The following RALY variants were observed in gnomAD, a reference collection of about 807,000 sequenced individuals.
The protein encoded by RALY is RNA-binding protein Raly.
RALY carries 15 observed loss-of-function variants against 30.7 expected under a neutral mutation model. The observed-to-expected ratio is 0.49, with a 90% CI of 0.33 to 0.75. The LOEUF (loss-of-function observed/expected upper bound fraction) is 0.75. Among genes scored for constraint, RALY ranks in the 30% least tolerant of loss-of-function variants. The probability of loss-of-function intolerance (pLI) is 0.02; values close to 1 mark genes in which losing one functional copy is unlikely to be tolerated. For missense variants in RALY, 339 were observed against 414.3 expected (o/e 0.82, Z 1.58); for synonymous variants, 177 against 170.8 (o/e 1.04, Z -0.28).
intron 1 of RALY, among the ~76,000 whole-genome samples, chr20:34,013,413 CAAAAAAAAA>C (rs34859292): frequency 2.4e-5 from 2 of 84,838 alleles, no homozygotes; most frequent in East Asian, 4.2e-4. Flanking sequence ...GACCTTGTCT[CAAAAAAAAA>C]AAAAAAAAAA....
chr20:34,049,198 G>A (rs967092325), intron 2 of RALY: 5 of 154,108 alleles, frequency 3.2e-5, no homozygotes, highest in Admixed American at 2.0e-4. Context: ...TCTTGCTAGA[G>A]TGGAGAATTG....
intron 1 of RALY, among the ~76,000 whole-genome samples, chr20:34,009,697 C>A (rs2031317437): frequency 6.6e-6 from 1 of 152,172 alleles, no homozygotes; most frequent in Non-Finnish European, 1.5e-5. Flanking sequence ...TCATGTTCTT[C>A]ATTTCTCTAC....
intron 2 of RALY, among the ~76,000 whole-genome samples, chr20:34,069,864 G>A (rs538885229): frequency 1.3e-5 from 2 of 152,180 alleles, no homozygotes; most frequent in Non-Finnish European, 2.9e-5. Flanking sequence ...CCCTTCATCA[G>A]TAGCAGTGAT....
chr20:34,042,470 A>G (rs759559398), intron 2 of RALY, among the ~76,000 whole-genome samples: 1 of 152,122 alleles, frequency 6.6e-6, no homozygotes. Context: ...GACCACTTCT[A>G]ACACTTGACT....
chr20:34,035,167 A>C (rs929376936), intron 2 of RALY, among the ~76,000 whole-genome samples: 3 of 118,636 alleles, frequency 2.5e-5, no homozygotes, highest in South Asian at 2.3e-4. Context: ...AAAAAAAAAA[A>C]AAAAAAAAAA....
chr20:34,037,494 G>C (rs2032540665), intron 2 of RALY, among the ~76,000 whole-genome samples: 1 of 152,166 alleles, frequency 6.6e-6, no homozygotes, highest in African/African-American at 2.4e-5. Flanking sequence ...GAAATTCTAA[G>C]CAGAGATTTG....
chr20:34,083,928 T>G lies in RALY; in HGVS notation c.*4023T>G, dbSNP rs1447538116. On this transcript the variant is annotated 3_prime_UTR_variant, in exon 10 of 10. Transcript: ENST00000246194. ...ATCCCTCCACCAGTAGCCAGATTCT[T>G]CATAATAAACTTCCTCCATAACAGT... 2.0e-5 allele frequency: 3 copies of G among 152,232 alleles called. No individual in the cohort carries two copies. The highest frequency in any genetic ancestry group is 7.2e-5 in the African/African-American group (3 of 41,456). The allele number at this position is 152,232 out of a possible 1,614,324, so 9.4% of individuals were successfully genotyped here.
At chr20:34,079,327 G>A (rs1323320020) in intron 9 of RALY, among the ~76,000 whole-genome samples, 1 of 152,152 alleles carries the variant, frequency 6.6e-6, no homozygotes, top group Admixed American at 6.5e-5. Context: ...GTGGTGTGTG[G>A]CTTCAAAGCC....
rs939380185 is a variant in RALY at position 34,081,334 on chromosome 20, T to C, written c.*1429T>C. 5 of 152,278 alleles carry C rather than the reference T, an allele frequency of 3.3e-5. No homozygotes were observed. The highest frequency in any genetic ancestry group is 1.2e-4 in the African/African-American group (5 of 41,416). 9.4% of individuals were successfully genotyped at this position (152,278 alleles called of 1,614,324 possible). On this transcript the variant is annotated 3_prime_UTR_variant, in exon 10 of 10. Coordinates refer to ENST00000246194, the MANE Select transcript of RALY (RefSeq NM_016732.3). Reference sequence around the variant, plus strand: ...GTACTCCTCCTGCTCCTACTTTCTCTACCTGGGAAATAGCCGCTCAGGACG... The same window carrying C: ...GTACTCCTCCTGCTCCTACTTTCTCCACCTGGGAAATAGCCGCTCAGGACG...
intron 1 of RALY, among the ~76,000 whole-genome samples, chr20:34,024,419 G>A (rs2031943197): frequency 6.6e-6 from 1 of 152,222 alleles, no homozygotes; most frequent in South Asian, 2.1e-4. Context: ...GGGAAAACTA[G>A]AGATAGCTTC....
At position 34,065,743 on chromosome 20, in the gene RALY, C is replaced by G. The variant is rs556869513; in HGVS notation, c.-9-6323C>G. 4.6e-5 allele frequency among the ~76,000 whole-genome samples: 7 copies of G among 152,292 alleles called. No individual in the cohort carries two copies. In the South Asian group the frequency reaches 8.3e-4, roughly 18 times the overall value. Reference sequence around the variant, plus strand: ...ACTAGTAGCTGTTTTCCTTCTGAACCACCCGGATGTCCCCAGGGTTATCTA... The same window carrying G: ...ACTAGTAGCTGTTTTCCTTCTGAACGACCCGGATGTCCCCAGGGTTATCTA... On this transcript the variant is annotated intron_variant, in intron 2 of 9. Coordinates refer to ENST00000246194, the MANE Select transcript of RALY (RefSeq NM_016732.3).
At chr20:34,021,809 C>T (rs2031832736) in intron 1 of RALY, among the ~76,000 whole-genome samples, 1 of 152,000 alleles carries the variant, frequency 6.6e-6, no homozygotes, top group South Asian at 2.1e-4. Context: ...ACTCATCAGT[C>T]AGATCTTCCT....
chr20:34,019,156 T>A (rs946262681), intron 1 of RALY, among the ~76,000 whole-genome samples: 1 of 151,850 alleles, frequency 6.6e-6, no homozygotes, highest in East Asian at 1.9e-4. Flanking sequence ...AACCCTGTCT[T>A]TACTAAAAAT....
rs138688820 is a variant in RALY at position 34,076,740 on chromosome 20, A to G, written c.583A>G (p.Thr195Ala). The G allele has an allele frequency of 7.4e-6, 12 of 1,614,060 alleles. No homozygotes were observed. In the Admixed American group the frequency reaches 1.8e-4, roughly 25 times the overall value. ...GCTGCAGGCCATCAAGACGGAGCTG[A>G]CACAGATCAAGTCCAATATCGATGC... ...SELQAIKTELTQIKSNIDALL... is the reference protein window; with the variant it reads ...SELQAIKTELAQIKSNIDALL... The change falls in exon 7 of 10, where the codon ACA (threonine) becomes GCA (alanine). Residue 195 changes from threonine (T) to alanine (A), a missense_variant. Coordinates refer to ENST00000246194, the MANE Select transcript of RALY (RefSeq NM_016732.3).
intron 3 of RALY, 43 bp from the exon 4 acceptor site, chr20:34,073,520 C>G (rs376850206): frequency 6.6e-7 from 1 of 1,512,956 alleles, no homozygotes; most frequent in Non-Finnish European, 9.2e-7. Context: ...TGTGGGCACA[C>G]TGTCATGTTA....
intron 2 of RALY, among the ~76,000 whole-genome samples, chr20:34,042,308 A>G (rs961134578): frequency 6.6e-6 from 1 of 152,044 alleles, no homozygotes; most frequent in African/African-American, 2.4e-5. Context: ...ACCTGAACCA[A>G]CTCTCCCATT....
chr20:33,993,961 A>G lies in RALY; in HGVS notation c.-263A>G, dbSNP rs1037680291. On this transcript the variant is annotated 5_prime_UTR_variant, in exon 1 of 10. Coordinates refer to ENST00000246194, the MANE Select transcript of RALY (RefSeq NM_016732.3). ...GCGCCAGCTCGGGGCAGCGGAACCCAGAGAAGCTGAGGGGGCGGTAGCGGC... is the reference window on the plus strand; with the variant it reads ...GCGCCAGCTCGGGGCAGCGGAACCCGGAGAAGCTGAGGGGGCGGTAGCGGC... 5 of 151,880 alleles carry G rather than the reference A, an allele frequency of 3.3e-5. No individual in the cohort carries two copies. Among genetic ancestry groups the G allele is most frequent in the African/African-American group, 1.2e-4 (5 of 41,392 alleles). 9.4% of individuals were successfully genotyped at this position (151,880 alleles called of 1,614,324 possible).
intron 1 of RALY, among the ~76,000 whole-genome samples, chr20:34,012,279 G>A (rs776507430): frequency 6.6e-6 from 1 of 152,134 alleles, no homozygotes; most frequent in African/African-American, 2.4e-5. Context: ...GCCGTGGCAG[G>A]TGGTAATGTG....
At chr20:34,003,445 C>G (rs1342168401) in intron 1 of RALY, among the ~76,000 whole-genome samples, 1 of 151,928 alleles carries the variant, frequency 6.6e-6, no homozygotes, top group East Asian at 1.9e-4. Context: ...TTGTAGGGAG[C>G]AGGGAGAGTG....
Sources: gnomAD v4.1 joint callset for allele counts (sites outside exome capture counted in the v4.1 genomes callset) on GRCh38, gnomAD v4.1.1 for gene constraint, MANE v1.5 for transcripts, NCBI Gene and HGNC (gene_info 2026-07-23, HGNC 2026-07-21) for gene names.